The following RANBP3L variants were observed in gnomAD, a reference collection of about 807,000 sequenced individuals.
RANBP3L encodes RAN binding protein 3 like.
A neutral mutation model predicts 67.2 loss-of-function variants in RANBP3L; 56 were observed. The observed-to-expected ratio is 0.83, with a 90% CI of 0.67 to 1.04. The LOEUF (loss-of-function observed/expected upper bound fraction) is 1.04, where lower values mean the gene tolerates loss of function less well. Ranked by LOEUF, RANBP3L falls within the 50% of genes least tolerant of loss-of-function variation. The pLI, the probability that RANBP3L is intolerant of heterozygous loss-of-function variation, is 0.00. For missense variants in RANBP3L, 496 were observed against 535.5 expected, an observed-to-expected ratio of 0.93 and a Z score of 0.73; for synonymous variants, 164 against 181.4, an observed-to-expected ratio of 0.90 and a Z score of 0.77.
At chr5:36,291,244 C>T (rs1253218112) in intron 1 of RANBP3L, among the ~76,000 whole-genome samples, 2 of 152,016 alleles carry the variant, frequency 1.3e-5, no homozygotes, top group African/African-American at 4.8e-5. Context: ...CCTAGAAGCG[C>T]CATTCTACTT....
intron 8 of RANBP3L, among the ~76,000 whole-genome samples, chr5:36,260,197 C>CAAA (rs35239153): frequency 7.2e-6 from 1 of 139,808 alleles, no homozygotes; most frequent in Admixed American, 7.2e-5. Flanking sequence ...ACTAAAAATA[C>CAAA]AAAAAAAAAA....
chr5:36,272,197 A>C (rs1750265671), intron 1 of RANBP3L, among the ~76,000 whole-genome samples: 1 of 152,194 alleles, frequency 6.6e-6, no homozygotes, highest in African/African-American at 2.4e-5. Flanking sequence ...TGAGACTTTT[A>C]GATATAATTT....
chr5:36,257,407 A>T, intron 9 of RANBP3L, 47 bp downstream of exon 9: 1 of 787,968 alleles, frequency 1.3e-6, no homozygotes, highest in Non-Finnish European at 2.1e-6. Context: ...AAAAAACAGG[A>T]GACAAACTAG....
intron 1 of RANBP3L, among the ~76,000 whole-genome samples, chr5:36,274,459 G>A (rs568182538): frequency 3.3e-5 from 5 of 151,980 alleles, no homozygotes; most frequent in Admixed American, 6.6e-5. Flanking sequence ...CCAGGCAAAC[G>A]TAGAAGAAGG....
chr5:36,249,843 C>A, intron 13 of RANBP3L, 146 bp from the exon 14 acceptor site: 1 of 388,380 alleles, frequency 2.6e-6, no homozygotes, highest in East Asian at 3.9e-5. Context: ...TTACAAGCAA[C>A]ATTTAGAGAT....
At chr5:36,257,676 A>G (rs960662625) in intron 8 of RANBP3L, 120 bp from the exon 9 acceptor site, 1 of 459,528 alleles carries the variant, frequency 2.2e-6, no homozygotes, top group African/African-American at 2.1e-5. Flanking sequence ...CCTAGCTGGT[A>G]TGTTTTTGTT....
At position 36,257,040 on chromosome 5, in the gene RANBP3L, A is replaced by G. The variant is rs1377090322; in HGVS notation, c.804T>C (p.Ile268=). ...GGGAAGAGAATGCAGCAGCTGATTC[A>G]ATTAGGGAAGTATTTTTAATAGAGT... ...RTDSIKNTSL[I]ESAAAFSSQP... The change falls in exon 10 of 14, where the codon ATT becomes ATC. Residue 268 remains isoleucine (I), a synonymous_variant. Transcript: ENST00000296604. 6.2e-7 allele frequency: 1 copy of G among 1,612,596 alleles called. No homozygotes were observed. The highest frequency in any genetic ancestry group is 2.2e-5 in the East Asian group (1 of 44,800).
At chr5:36,293,740 A>G (rs1489821614) in intron 1 of RANBP3L, among the ~76,000 whole-genome samples, 1 of 149,390 alleles carries the variant, frequency 6.7e-6, no homozygotes, top group Non-Finnish European at 1.5e-5. Context: ...CTTGCATCCC[A>G]GGGATGAAGC....
At chr5:36,293,192 GCTCT>G (rs371117584) in intron 1 of RANBP3L, among the ~76,000 whole-genome samples, 8,463 of 71,264 alleles carry the variant, frequency 0.12, 584 homozygotes, top group South Asian at 0.28. Flanking sequence ...TCATGATTTG[GCTCT>G]CTGTTTGTCT....
In RANBP3L at chr5:36,257,007, T is replaced by G. The variant is rs1419093063; in HGVS notation, c.837A>C (p.Ser279=). The G allele has an allele frequency of 2.5e-6, 4 of 1,612,918 alleles. No homozygotes were observed. The African/African-American group carries it at 5.3e-5, about 22-fold the overall frequency. The change falls in exon 10 of 14, where the codon TCA becomes TCC. Residue 279 remains serine (S), a synonymous_variant. Coordinates refer to ENST00000296604, the MANE Select transcript of RANBP3L (RefSeq NM_145000.5). ...CAATTTTCTCCAGCAAGCATTTTCG[T>G]GATGGTTGGGAAGAGAATGCAGCAG... ...ESAAAFSSQP[S]RKCLLEKIDV... is the part of the protein sequence containing the mutation.
intron 4 of RANBP3L, among the ~76,000 whole-genome samples, chr5:36,267,685 T>A (rs1233667552): frequency 6.6e-6 from 1 of 152,186 alleles, no homozygotes; most frequent in Non-Finnish European, 1.5e-5. Flanking sequence ...CATTTTAATG[T>A]GGAGAAAATG....
At chr5:36,270,060 T>C (rs904448018) in intron 2 of RANBP3L, 70 bp from the exon 3 acceptor site, 28 of 1,417,648 alleles carry the variant, frequency 2.0e-5, no homozygotes, top group Non-Finnish European at 2.5e-5. Flanking sequence ...CAAAAGTTAT[T>C]GCAGTTTTGG....
chr5:36,269,795 A>T (rs1750080228), intron 3 of RANBP3L, among the ~76,000 whole-genome samples, 156 bp downstream of exon 3: 2 of 152,208 alleles, frequency 1.3e-5, no homozygotes, highest in Admixed American at 6.5e-5. Flanking sequence ...AGGGACCTAT[A>T]TGTCATCTTT....
At chr5:36,252,109 A>G (rs1263257033) in intron 12 of RANBP3L, among the ~76,000 whole-genome samples, 1 of 152,076 alleles carries the variant, frequency 6.6e-6, no homozygotes, top group African/African-American at 2.4e-5. Context: ...TGGGTTATTA[A>G]TTTCGTTTAT....
intron 1 of RANBP3L, among the ~76,000 whole-genome samples, chr5:36,300,049 C>T (rs1308309748): frequency 6.6e-6 from 1 of 152,112 alleles, no homozygotes; most frequent in African/African-American, 2.4e-5. Flanking sequence ...ACCAAATTTT[C>T]TATTAAAATT....
At chr5:36,270,384 G>A (rs1037135417) in intron 2 of RANBP3L, among the ~76,000 whole-genome samples, 13 of 152,172 alleles carry the variant, frequency 8.5e-5, no homozygotes, top group Non-Finnish European at 1.8e-4. Flanking sequence ...ACAAGGGCTT[G>A]GAGGTTGAGT....
intron 4 of RANBP3L, among the ~76,000 whole-genome samples, chr5:36,269,121 C>A (rs1230834133): frequency 6.6e-6 from 1 of 152,152 alleles, no homozygotes; most frequent in Non-Finnish European, 1.5e-5. Context: ...AGGGAGGAGA[C>A]CAAATCACTT....
At chr5:36,283,502 A>G (rs1447770786) in intron 1 of RANBP3L, among the ~76,000 whole-genome samples, 1 of 151,328 alleles carries the variant, frequency 6.6e-6, no homozygotes, top group Non-Finnish European at 1.5e-5. Context: ...AATCTGTAGT[A>G]CTGGTATGGG....
intron 1 of RANBP3L, among the ~76,000 whole-genome samples, chr5:36,290,665 T>A (rs1405274298): frequency 6.8e-6 from 1 of 146,322 alleles, no homozygotes; most frequent in African/African-American, 2.5e-5. Flanking sequence ...TTTTTTTTTA[T>A]TTTGTGTGTG....
Sources: allele counts gnomAD v4.1 joint callset (sites outside exome capture counted in the v4.1 genomes callset), GRCh38; gene constraint gnomAD v4.1.1; transcripts MANE v1.5; gene names NCBI Gene and HGNC (gene_info 2026-07-23, HGNC 2026-07-21).